The following ZNF827 variants were observed in gnomAD, a reference collection of about 807,000 sequenced individuals.
ZNF827 encodes zinc finger protein 827.
A neutral mutation model predicts 102.4 loss-of-function variants in ZNF827; 13 were observed. The ratio of observed to expected loss-of-function variants is 0.13; its 90% CI spans 0.08 to 0.20. The LOEUF (loss-of-function observed/expected upper bound fraction) is 0.20. ZNF827 is among the 10% of genes least tolerant of loss of function. The pLI is 1.00. For missense variants in ZNF827, 1,103 were observed against 1,344.4 expected (o/e 0.82, Z 2.81); for synonymous variants, 523 against 536.2 (o/e 0.98, Z 0.34).
At chr4:145,881,225 A>C (rs1452317287) in intron 4 of ZNF827, among the ~76,000 whole-genome samples, 3 of 152,224 alleles carry the variant, frequency 2.0e-5, no homozygotes, top group Non-Finnish European at 4.4e-5. Flanking sequence ...GCTACTAATA[A>C]GTCAGAAACA....
At chr4:145,864,786 G>A (rs975992315) in intron 5 of ZNF827, among the ~76,000 whole-genome samples, 3 of 152,106 alleles carry the variant, frequency 2.0e-5, no homozygotes, top group African/African-American at 7.2e-5. Context: ...GAAGCAGGTA[G>A]AATCATAAGG....
intron 1 of ZNF827, among the ~76,000 whole-genome samples, chr4:145,906,893 A>G (rs1319391133): frequency 1.3e-5 from 2 of 152,244 alleles, no homozygotes; most frequent in East Asian, 3.8e-4. Flanking sequence ...ATGCATGAAG[A>G]GTATCTCTTA....
At chr4:145,781,430 G>A (rs1738043485) in intron 8 of ZNF827, among the ~76,000 whole-genome samples, 1 of 152,132 alleles carries the variant, frequency 6.6e-6, no homozygotes, top group South Asian at 2.1e-4. Context: ...TCTGGAAATG[G>A]GAGGAGGGGA....
intron 11 of ZNF827, among the ~76,000 whole-genome samples, chr4:145,768,628 C>T (rs7672621): frequency 0.96 from 145,153 of 151,378 alleles, 69,659 homozygotes; most frequent in African/African-American, 0.99. Context: ...AGACTGTTCT[C>T]CAATTATCTT....
In ZNF827 at chr4:145,851,226, G is replaced by A. The variant is rs568062505; in HGVS notation, c.1982-1665C>T. Among the ~76,000 whole-genome samples the A allele has an allele frequency of 8.6e-4, 131 of 152,254 alleles. 1 individual carries two copies. The highest frequency in any genetic ancestry group is 2.6e-4 in the Non-Finnish European group (18 of 68,016). On this transcript the variant is annotated intron_variant, in intron 5 of 14. Transcript: ENST00000508784. ...AGAGAATAAATATCTGTTGTTTCAAGCTTCCAACTTTGTGGTAACTTGCTA... is the reference window on the plus strand; with the variant it reads ...AGAGAATAAATATCTGTTGTTTCAAACTTCCAACTTTGTGGTAACTTGCTA...
chr4:145,765,432 T>A lies in ZNF827; in HGVS notation c.3052+115A>T. 3.2e-6 allele frequency: 4 copies of A among 1,264,128 alleles called. No individual in the cohort carries two copies. The highest frequency in any genetic ancestry group is 4.3e-6 in the Non-Finnish European group (4 of 922,694). 78.3% of individuals were successfully genotyped at this position (1,264,128 alleles called of 1,614,324 possible). A position where few individuals can be genotyped will look rare whatever the true frequency, so the allele number is the denominator to read the frequency against. On this transcript the variant is annotated intron_variant, in intron 12 of 14. Coordinates refer to ENST00000508784, the MANE Select transcript of ZNF827 (RefSeq NM_001306215.2). The surrounding 1 kb of genome is among the most constrained non-coding windows in gnomAD (Gnocchi z 4.7). ...AACCTTTAGGTGAGGCCCAGCATAC[T>A]GCATCCTGGGCCTATTATCAGTTTT...
chr4:145,827,733 C>T (rs1353296068), intron 7 of ZNF827, among the ~76,000 whole-genome samples: 1 of 152,222 alleles, frequency 6.6e-6, no homozygotes, highest in African/African-American at 2.4e-5. Flanking sequence ...TTGCAGCATG[C>T]CCTATAGAGC....
intron 1 of ZNF827, among the ~76,000 whole-genome samples, chr4:145,923,491 C>A (rs1199164177): frequency 6.6e-6 from 1 of 150,788 alleles, no homozygotes; most frequent in Non-Finnish European, 1.5e-5. Context: ...CAGTGGCAGG[C>A]ACCTGTAATC....
chr4:145,818,902 GA>G (rs1190600840), intron 8 of ZNF827, among the ~76,000 whole-genome samples: 15 of 152,170 alleles, frequency 9.9e-5, no homozygotes, highest in Admixed American at 9.2e-4. Context: ...CCAGAGAAGG[GA>G]AAATGGATCA....
At chr4:145,787,878 C>A (rs1304157548) in intron 8 of ZNF827, among the ~76,000 whole-genome samples, 1 of 152,158 alleles carries the variant, frequency 6.6e-6, no homozygotes, top group Non-Finnish European at 1.5e-5. Context: ...ACATCTTGCA[C>A]AGGGTCAAGT....
chr4:145,843,594 A>ATATTATTTT (rs1474054126), intron 7 of ZNF827, among the ~76,000 whole-genome samples: 2 of 152,184 alleles, frequency 1.3e-5, no homozygotes, highest in Non-Finnish European at 2.9e-5. Flanking sequence ...ATGGTCTTGC[A>ATATTATTTT]GCACATCTTT....
At chr4:145,839,525 T>C (rs574044921) in intron 7 of ZNF827, 1 of 152,386 alleles carries the variant, frequency 6.6e-6, no homozygotes, top group Non-Finnish European at 1.5e-5. Context: ...TTACAGACGA[T>C]GCTAGTGAAA....
chr4:145,771,664 G>A (rs1736304418), intron 11 of ZNF827, among the ~76,000 whole-genome samples: 1 of 151,000 alleles, frequency 6.6e-6, no homozygotes, highest in Non-Finnish European at 1.5e-5. Flanking sequence ...CAGTTCCTCA[G>A]GTATCCCTTT....
At chr4:145,914,859 A>G (rs1223699462) in intron 1 of ZNF827, among the ~76,000 whole-genome samples, 1 of 152,208 alleles carries the variant, frequency 6.6e-6, no homozygotes, top group Non-Finnish European at 1.5e-5. Flanking sequence ...TTTTCACCTA[A>G]AAGAAATCCA....
At chr4:145,824,411 G>A (rs1057417562) in intron 7 of ZNF827, among the ~76,000 whole-genome samples, 36 of 152,294 alleles carry the variant, frequency 2.4e-4, no homozygotes, top group African/African-American at 7.9e-4. Context: ...ATTTACAACA[G>A]ACGAAATTCA....
chr4:145,892,197 TG>T (rs1561048667), intron 3 of ZNF827, 45 bp downstream of exon 3: 1 of 1,563,410 alleles, frequency 6.4e-7, no homozygotes. Context: ...ACAGAAGCCC[TG>T]GCTGTGCCTG....
intron 1 of ZNF827, among the ~76,000 whole-genome samples, chr4:145,932,417 T>C (rs1753875076): frequency 6.6e-6 from 1 of 152,040 alleles, no homozygotes. Flanking sequence ...CCAGGCACCA[T>C]ACATTTCCAA....
At chr4:145,826,457 T>C (rs1743688253) in intron 7 of ZNF827, among the ~76,000 whole-genome samples, 1 of 152,222 alleles carries the variant, frequency 6.6e-6, no homozygotes, top group African/African-American at 2.4e-5. Context: ...CCACCATTAT[T>C]ATAGTAGTCC....
At chr4:145,927,762 T>G (rs1373777083) in intron 1 of ZNF827, among the ~76,000 whole-genome samples, 1 of 152,242 alleles carries the variant, frequency 6.6e-6, no homozygotes, top group Non-Finnish European at 1.5e-5. Context: ...TCTTCCTTTC[T>G]CTGGGTCTGT....
Sources: allele counts gnomAD v4.1 joint callset (sites outside exome capture counted in the v4.1 genomes callset), GRCh38; gene constraint gnomAD v4.1.1; non-coding constraint Gnocchi (gnomAD v3.1); transcripts MANE v1.5; gene names NCBI Gene and HGNC (gene_info 2026-07-23, HGNC 2026-07-21).